The following COL4A2 variants were observed in gnomAD, a reference collection of about 807,000 sequenced individuals.
COL4A2 encodes the protein collagen type IV alpha 2 chain, also known as collagen alpha-2(IV) chain.
COL4A2 carries 99 observed loss-of-function variants against 200.2 expected under a neutral mutation model. The ratio of observed to expected loss-of-function variants is 0.49; its 90% CI spans 0.42 to 0.58. The LOEUF (loss-of-function observed/expected upper bound fraction) is 0.58. COL4A2 is among the 20% of genes least tolerant of loss of function. The pLI, the probability that COL4A2 is intolerant of heterozygous loss-of-function variation, is 0.00. For missense variants in COL4A2, 1,950 were observed against 2,314.1 expected (o/e 0.84, Z 3.23); for synonymous variants, 897 against 900.6 (o/e 1.00, Z 0.07).
At chr13:110,414,561 A>G (rs1180092303) in intron 4 of COL4A2, among the ~76,000 whole-genome samples, 2 of 152,330 alleles carry the variant, frequency 1.3e-5, no homozygotes, top group Non-Finnish European at 2.9e-5. Context: ...ATGAGCCCCC[A>G]GGTGACTCTC....
chr13:110,489,736 A>C lies in COL4A2; in HGVS notation c.3297A>C (p.Leu1099Phe), dbSNP rs779464248. 5.0e-6 allele frequency: 8 copies of C among 1,614,072 alleles called. No homozygotes were observed. In the East Asian group the frequency reaches 1.8e-4, roughly 36 times the overall value. Residue 1099 changes from leucine to phenylalanine, a missense_variant, in exon 36 of 48, where the codon TTA becomes TTC. Leu to Phe is a conservative substitution (Grantham distance 22). Around this residue, in one of 2 missense-constraint regions of COL4A2, gnomAD observed 1,385 missense variants for 1,720.5 expected, o/e 0.80. Coordinates refer to ENST00000360467, the MANE Select transcript of COL4A2 (RefSeq NM_001846.4). Reference protein sequence around the residue: ...DFGDIGDTINLPGRPGLKGER... With the variant: ...DFGDIGDTINFPGRPGLKGER... ...GTGACATCGGGGACACTATAAATTT[A>C]CCAGGAAGACCAGGCCTGAAGGGGG... is the stretch of plus-strand genomic sequence containing the variant.
chr13:110,339,401 C>G (rs546861477), intron 3 of COL4A2, among the ~76,000 whole-genome samples: 2 of 152,182 alleles, frequency 1.3e-5, no homozygotes, highest in East Asian at 3.9e-4. Context: ...TCTGTAGCAC[C>G]CAGTTTTCGT....
At chr13:110,312,354 C>CAG (rs1476189713) in intron 3 of COL4A2, among the ~76,000 whole-genome samples, 2 of 151,660 alleles carry the variant, frequency 1.3e-5, no homozygotes, top group Admixed American at 1.3e-4. Flanking sequence ...TGTTTACAAC[C>CAG]AGAGAGAGAG....
At chr13:110,493,047 C>G (rs539760738) in intron 38 of COL4A2, among the ~76,000 whole-genome samples, 164 bp from the exon 39 acceptor site, 2 of 151,704 alleles carry the variant, frequency 1.3e-5, no homozygotes, top group East Asian at 3.9e-4. Context: ...AGTGACACCC[C>G]CACAGGTGAA....
At chr13:110,332,687 G>A (rs1875982569) in intron 3 of COL4A2, among the ~76,000 whole-genome samples, 2 of 152,196 alleles carry the variant, frequency 1.3e-5, no homozygotes, top group Admixed American at 1.3e-4. Context: ...ACTTTTAATA[G>A]AGGAATCCCC....
At chr13:110,489,407 G>T (rs758378324) in intron 34 of COL4A2, 38 bp from the exon 35 acceptor site, 1 of 1,603,510 alleles carries the variant, frequency 6.2e-7, no homozygotes, top group Non-Finnish European at 8.5e-7. Flanking sequence ...AACTGACTTC[G>T]CTAACAGCCT....
rs749012559 is a variant in COL4A2, at chr13:110,430,408, C to T, written c.557C>T (p.Pro186Leu). 1.2e-6 allele frequency: 2 copies of T among 1,614,038 alleles called. No individual in the cohort carries two copies. Among genetic ancestry groups the T allele is most frequent in the Admixed American group, 1.7e-5 (1 of 59,986 alleles). ...TTATTTCTTCTCCATTAGGGTGAACCTGGAGAGCCTGGATTGGTCGGTTTC... is the reference window on the plus strand; with the variant it reads ...TTATTTCTTCTCCATTAGGGTGAACTTGGAGAGCCTGGATTGGTCGGTTTC... ...KEERDRYRGE[P>L]GEPGLVGFQG... The change falls in exon 9 of 48, where the codon CCT (proline) becomes CTT (leucine). Residue 186 changes from proline to leucine, a missense_variant. Transcript: ENST00000360467.
chr13:110,470,062 G>A (rs920071071), intron 28 of COL4A2, among the ~76,000 whole-genome samples: 7 of 152,012 alleles, frequency 4.6e-5, no homozygotes, highest in South Asian at 2.1e-4. Flanking sequence ...TTACAGGCAT[G>A]TGCCACCACA....
At chr13:110,469,092 A>G in intron 27 of COL4A2, 125 bp from the exon 28 acceptor site, 1 of 1,075,904 alleles carries the variant, frequency 9.3e-7, no homozygotes. Flanking sequence ...TTTCAGGCTG[A>G]TATTCCCCCC....
chr13:110,374,470 A>C (rs989782128), intron 4 of COL4A2, among the ~76,000 whole-genome samples: 1 of 152,188 alleles, frequency 6.6e-6, no homozygotes, highest in African/African-American at 2.4e-5. Context: ...TTCTCTCCCT[A>C]AACAAAATCA....
intron 18 of COL4A2, among the ~76,000 whole-genome samples, chr13:110,448,014 C>A (rs2139478671): frequency 6.6e-6 from 1 of 152,284 alleles, no homozygotes; most frequent in East Asian, 1.9e-4. Flanking sequence ...AGATGTCTGT[C>A]TGGGGAGGCG....
chr13:110,407,461 G>A (rs1039289200), intron 4 of COL4A2, among the ~76,000 whole-genome samples: 40 of 152,358 alleles, frequency 2.6e-4, no homozygotes, highest in Admixed American at 5.2e-4. Flanking sequence ...CTAGAAAGCC[G>A]TGGCACACGC....
intron 3 of COL4A2, among the ~76,000 whole-genome samples, chr13:110,349,724 A>C: frequency 6.6e-6 from 1 of 152,068 alleles, no homozygotes; most frequent in East Asian, 1.9e-4. Context: ...TTTGATGTCT[A>C]TGGTAAATCT....
intron 4 of COL4A2, among the ~76,000 whole-genome samples, chr13:110,373,565 C>T (rs980197228): frequency 1.2e-4 from 19 of 152,214 alleles, no homozygotes; most frequent in African/African-American, 9.7e-5. Flanking sequence ...CTCTCCTGTC[C>T]TCATGTGTGG....
intron 4 of COL4A2, among the ~76,000 whole-genome samples, chr13:110,370,010 T>C (rs1877933332): frequency 6.6e-6 from 1 of 152,178 alleles, no homozygotes; most frequent in Non-Finnish European, 1.5e-5. Context: ...GCGTCTCACT[T>C]TCCTTCTTAG....
At chr13:110,447,421 G>A (rs1316933788) in intron 18 of COL4A2, among the ~76,000 whole-genome samples, 1 of 152,148 alleles carries the variant, frequency 6.6e-6, no homozygotes, top group Non-Finnish European at 1.5e-5. Context: ...GTAAACGAAG[G>A]ACTTTGCGCA....
At chr13:110,385,000 C>T (rs994604144) in intron 4 of COL4A2, among the ~76,000 whole-genome samples, 1 of 152,210 alleles carries the variant, frequency 6.6e-6, no homozygotes, top group African/African-American at 2.4e-5. Context: ...CGCGGTGGCT[C>T]ACGCCTGTAA....
chr13:110,423,934 G>A (rs985539142), intron 4 of COL4A2, among the ~76,000 whole-genome samples: 2 of 152,172 alleles, frequency 1.3e-5, no homozygotes, highest in African/African-American at 4.8e-5. Context: ...ATTCCATTGT[G>A]TGGGTGTCTA....
chr13:110,491,063 C>T (rs571441529), intron 36 of COL4A2, among the ~76,000 whole-genome samples, 170 bp from the exon 37 acceptor site: 3 of 152,068 alleles, frequency 2.0e-5, no homozygotes, highest in African/African-American at 7.2e-5. Context: ...AGTGCAGGCT[C>T]AGAGGGAGGA....
Sources: gnomAD v4.1 joint callset for allele counts (sites outside exome capture counted in the v4.1 genomes callset) on GRCh38, gnomAD v4.1.1 for gene constraint, gnomAD v4.1.1 regional missense constraint, MANE v1.5 for transcripts, NCBI Gene and HGNC (gene_info 2026-07-23, HGNC 2026-07-21) for gene names.